The following LRMDA variants were observed in gnomAD, a reference collection of about 807,000 sequenced individuals.
The protein encoded by LRMDA is leucine-rich melanocyte differentiation-associated protein.
Under a neutral mutation model 29.8 loss-of-function variants are expected in LRMDA, and 18 were observed. The ratio of observed to expected loss-of-function variants is 0.60; its 90% CI spans 0.42 to 0.90. The LOEUF is 0.90. Among genes scored for constraint, LRMDA ranks in the 40% least tolerant of loss-of-function variants. The probability of loss-of-function intolerance (pLI) is 0.00; values close to 1 mark genes in which losing one functional copy is unlikely to be tolerated. For synonymous variants in LRMDA, 125 were observed against 109.4 expected (o/e 1.14, Z -0.89); for missense variants, 273 against 273.9 (o/e 1.00, Z 0.02).
At chr10:76,363,481 G>A (rs1841354385) in intron 6 of LRMDA, among the ~76,000 whole-genome samples, 1 of 152,076 alleles carries the variant, frequency 6.6e-6, no homozygotes, top group Non-Finnish European at 1.5e-5. Context: ...CGGGATGCAA[G>A]ATTAATATGC....
chr10:75,528,222 C>A (rs915356865), intron 2 of LRMDA, among the ~76,000 whole-genome samples: 1 of 152,208 alleles, frequency 6.6e-6, no homozygotes, highest in African/African-American at 2.4e-5. Context: ...GCACAAGTAC[C>A]TCTGAAAATA....
intron 6 of LRMDA, among the ~76,000 whole-genome samples, chr10:76,364,655 T>G (rs1313076902): frequency 6.6e-6 from 1 of 152,070 alleles, no homozygotes; most frequent in Non-Finnish European, 1.5e-5. Flanking sequence ...ATTTTGTAAT[T>G]ATGGCATAAC....
chr10:75,511,854 A>G (rs1166077715), intron 2 of LRMDA, among the ~76,000 whole-genome samples: 1 of 152,172 alleles, frequency 6.6e-6, no homozygotes, highest in Admixed American at 6.5e-5. Flanking sequence ...TGGGCAAAGA[A>G]AGAACTGGAA....
chr10:76,304,024 C>A (rs1221069172), intron 5 of LRMDA, among the ~76,000 whole-genome samples: 1 of 152,104 alleles, frequency 6.6e-6, no homozygotes, highest in East Asian at 1.9e-4. Flanking sequence ...CTTTCTCTAA[C>A]CTTTCTAGCC....
At chr10:75,459,160 G>A (rs1315780873) in intron 2 of LRMDA, among the ~76,000 whole-genome samples, 1 of 152,148 alleles carries the variant, frequency 6.6e-6, no homozygotes, top group Admixed American at 6.5e-5. Flanking sequence ...AGTCAGATTG[G>A]CTAGGTGCAG....
chr10:76,121,592 T>C (rs974060140), intron 5 of LRMDA, among the ~76,000 whole-genome samples: 1 of 152,204 alleles, frequency 6.6e-6, no homozygotes, highest in Non-Finnish European at 1.5e-5. Flanking sequence ...GAGAGGAAAC[T>C]TCTCCCCTTA....
At position 75,781,046 on chromosome 10, in the gene LRMDA, C is replaced by T. The variant is rs570548308; in HGVS notation, c.132-254962C>T. 7.9e-5 allele frequency among the ~76,000 whole-genome samples: 12 copies of T among 152,314 alleles called. 1 individual carries two copies. Among genetic ancestry groups the T allele is most frequent in the Admixed American group, 5.2e-4 (8 of 15,300 alleles). On this transcript the variant is annotated intron_variant, in intron 2 of 6. Transcript: ENST00000611255. The stretch of plus-strand genomic sequence containing the variant: ...CTTTGCACCTGGCATCCTCTTTCTC[C>T]GAAGTGACCCACTCTTCCTTTTCCA...
chr10:75,807,709 G>T (rs996183026), intron 2 of LRMDA, among the ~76,000 whole-genome samples: 1 of 152,160 alleles, frequency 6.6e-6, no homozygotes, highest in African/African-American at 2.4e-5. Flanking sequence ...TGGGAATGGG[G>T]CAGAAGAATG....
At chr10:76,417,631 GA>G (rs1842030613) in intron 6 of LRMDA, among the ~76,000 whole-genome samples, 1 of 152,194 alleles carries the variant, frequency 6.6e-6, no homozygotes, top group Admixed American at 6.5e-5. Flanking sequence ...ATGGAAGAGT[GA>G]AGTATGTATA....
At chr10:76,135,710 T>C (rs1013260359) in intron 5 of LRMDA, among the ~76,000 whole-genome samples, 1 of 152,122 alleles carries the variant, frequency 6.6e-6, no homozygotes, top group Admixed American at 6.5e-5. Context: ...ATGGCATTTT[T>C]ACTCTGTCTT....
intron 2 of LRMDA, among the ~76,000 whole-genome samples, chr10:75,527,698 T>C (rs1297655061): frequency 6.8e-6 from 1 of 147,586 alleles, no homozygotes; most frequent in Non-Finnish European, 1.5e-5. Context: ...ATTTATATTA[T>C]AATTGTTATA....
At chr10:76,372,110 G>T (rs1391131552) in intron 6 of LRMDA, among the ~76,000 whole-genome samples, 3 of 152,170 alleles carry the variant, frequency 2.0e-5, no homozygotes, top group African/African-American at 7.2e-5. Context: ...AGCAGCTTTA[G>T]CCATAGTCTT....
At chr10:76,018,998 G>T (rs1289167404) in intron 2 of LRMDA, among the ~76,000 whole-genome samples, 1 of 152,200 alleles carries the variant, frequency 6.6e-6, no homozygotes, top group Admixed American at 6.5e-5. Flanking sequence ...TGGCAAATAG[G>T]TAGGGTAACT....
At chr10:75,522,922 T>G (rs1020415776) in intron 2 of LRMDA, among the ~76,000 whole-genome samples, 4 of 152,214 alleles carry the variant, frequency 2.6e-5, no homozygotes, top group African/African-American at 7.2e-5. Context: ...CAGCAGAAGC[T>G]GGCTCTGAGC....
intron 6 of LRMDA, among the ~76,000 whole-genome samples, chr10:76,394,040 A>G (rs1369443968): frequency 6.6e-6 from 1 of 152,150 alleles, no homozygotes; most frequent in Non-Finnish European, 1.5e-5. Context: ...GCTTTCAAAT[A>G]TTGTGAGACA....
intron 2 of LRMDA, among the ~76,000 whole-genome samples, chr10:75,907,940 A>T (rs1845783607): frequency 6.6e-6 from 1 of 152,140 alleles, no homozygotes; most frequent in South Asian, 2.1e-4. Context: ...ACTCTTGGGC[A>T]GGTGAAGGGG....
chr10:75,870,594 T>C (rs576692762), intron 2 of LRMDA, among the ~76,000 whole-genome samples: 16 of 152,278 alleles, frequency 1.1e-4, no homozygotes, highest in Non-Finnish European at 1.5e-4. Context: ...GGTGGGCGCT[T>C]CTAGGTCTTA....
intron 6 of LRMDA, among the ~76,000 whole-genome samples, chr10:76,535,215 A>G (rs1843277559): frequency 6.6e-6 from 1 of 152,194 alleles, no homozygotes; most frequent in Admixed American, 6.5e-5. Context: ...ATGCAAATTA[A>G]ACATGGGTCT....
chr10:76,530,824 G>A (rs1048523689), intron 6 of LRMDA, among the ~76,000 whole-genome samples: 1 of 152,160 alleles, frequency 6.6e-6, no homozygotes, highest in East Asian at 1.9e-4. Context: ...TCCACGTGGT[G>A]TTCTGCACAT....
Sources: gnomAD v4.1 joint callset for allele counts (sites outside exome capture counted in the v4.1 genomes callset) on GRCh38, gnomAD v4.1.1 for gene constraint, MANE v1.5 for transcripts, NCBI Gene and HGNC (gene_info 2026-07-23, HGNC 2026-07-21) for gene names.